Variants in VPS54 observed in about 807,000 individuals in gnomAD.
The protein encoded by VPS54 is vacuolar protein sorting-associated protein 54.
A neutral mutation model predicts 121.5 loss-of-function variants in VPS54; 45 were observed. The observed-to-expected ratio is 0.37, with a 90% confidence interval of 0.29 to 0.47. The LOEUF is 0.47. Ranked by LOEUF, VPS54 falls within the 20% of genes least tolerant of loss-of-function variation. VPS54 has a pLI of 0.99. For missense variants in VPS54, 1,090 were observed against 1,131.4 expected, an observed-to-expected ratio of 0.96 and a Z score of 0.52; for synonymous variants, 371 against 385.8, an observed-to-expected ratio of 0.96 and a Z score of 0.45.
chr2:64,012,975 A>C (rs548982665), intron 1 of VPS54, among the ~76,000 whole-genome samples: 25 of 152,360 alleles, frequency 1.6e-4, no homozygotes, highest in Non-Finnish European at 3.2e-4. Flanking sequence ...GAAGGAATGC[A>C]AAAAGAAAAG....
chr2:64,006,089 A>C (rs1422954487), intron 1 of VPS54, among the ~76,000 whole-genome samples: 1 of 152,230 alleles, frequency 6.6e-6, no homozygotes, highest in African/African-American at 2.4e-5. Flanking sequence ...CTTGTTTCCT[A>C]TCTCTCCCAC....
rs563225797 is a variant in VPS54, at chr2:63,983,432, G to A, written c.136+432C>T. On this transcript the variant is annotated intron_variant, in intron 2 of 22. Transcript: ENST00000272322. ...GATTACAGGCGTGAGCCACCACGCC[G>A]GGCCCCAAATGATTTTTTTTTTTTT... is the stretch of plus-strand genomic sequence containing the variant. 2.0e-4 allele frequency among the ~76,000 whole-genome samples: 27 copies of A among 134,924 alleles called. No individual in the cohort carries two copies. The South Asian group carries it at 3.0e-3, about 15-fold the overall frequency. The allele number at this position is 134,924 out of a possible 152,430, so 88.5% of individuals were successfully genotyped here. A position where few individuals can be genotyped will look rare whatever the true frequency, so the allele number is the denominator to read the frequency against.
chr2:64,001,790 G>A (rs368865777), intron 1 of VPS54, among the ~76,000 whole-genome samples: 17 of 151,938 alleles, frequency 1.1e-4, no homozygotes, highest in African/African-American at 4.1e-4. Flanking sequence ...AGAAGGTAGG[G>A]ATATCTTTTA....
intron 1 of VPS54, among the ~76,000 whole-genome samples, chr2:64,013,552 TATATA>T (rs1678529096): frequency 6.8e-6 from 1 of 147,824 alleles, no homozygotes; most frequent in African/African-American, 2.5e-5. Context: ...TGCTGATATA[TATATA>T]TGATATATAT....
At chr2:63,906,260 G>A (rs1041813230) in intron 20 of VPS54, among the ~76,000 whole-genome samples, 64 of 152,180 alleles carry the variant, frequency 4.2e-4, no homozygotes, top group African/African-American at 1.5e-3. Context: ...ACATGAGTGT[G>A]TATGCAGAAA....
At chr2:63,910,914 T>C (rs1447444273) in intron 20 of VPS54, among the ~76,000 whole-genome samples, 1 of 152,156 alleles carries the variant, frequency 6.6e-6, no homozygotes, top group Non-Finnish European at 1.5e-5. Flanking sequence ...ACTATTTTTG[T>C]TTGTTTGTTT....
At chr2:63,908,469 C>T (rs1657203448) in intron 20 of VPS54, among the ~76,000 whole-genome samples, 1 of 152,120 alleles carries the variant, frequency 6.6e-6, no homozygotes, top group African/African-American at 2.4e-5. Flanking sequence ...TGTTCTATAA[C>T]TTGCAGTTAT....
At chr2:63,904,748 A>G (rs1672836503) in intron 20 of VPS54, among the ~76,000 whole-genome samples, 1 of 152,168 alleles carries the variant, frequency 6.6e-6, no homozygotes, top group Admixed American at 6.5e-5. Context: ...CAAAATACAC[A>G]TTGTTTTCAT....
intron 1 of VPS54, among the ~76,000 whole-genome samples, chr2:63,997,616 GTTTTGTT>G (rs1377911093): frequency 7.2e-6 from 1 of 137,958 alleles, no homozygotes. Flanking sequence ...GTCAGTTTTT[GTTTTGTT>G]TTGTTTTGTT....
In VPS54 at chr2:63,893,361, G is replaced by T. The variant is rs1042329484; in HGVS notation, c.*69C>A. 5.3e-6 allele frequency: 7 copies of T among 1,319,894 alleles called. No homozygotes were observed. The highest frequency in any genetic ancestry group is 7.7e-6 in the Non-Finnish European group (7 of 912,128). 81.8% of individuals were successfully genotyped at this position (1,319,894 alleles called of 1,614,324 possible). A position where few individuals can be genotyped will look rare whatever the true frequency, so the allele number is the denominator to read the frequency against. On this transcript the variant is annotated 3_prime_UTR_variant, in exon 23 of 23. Transcript: ENST00000272322. ...TTCAGGTTCAATTCTCGAATCACAG[G>T]CATCCAGATTTTCTTCATAACAAAC...
At chr2:63,973,673 T>G (rs558718364) in intron 3 of VPS54, among the ~76,000 whole-genome samples, 17 of 152,220 alleles carry the variant, frequency 1.1e-4, no homozygotes, top group African/African-American at 4.1e-4. Flanking sequence ...CCAGAGCAGC[T>G]AGGACTACAG....
At chr2:63,990,210 C>A (rs1345206867) in intron 1 of VPS54, among the ~76,000 whole-genome samples, 1 of 152,170 alleles carries the variant, frequency 6.6e-6, no homozygotes, top group Admixed American at 6.5e-5. Flanking sequence ...AGCTACTCCT[C>A]CCCCACCTAA....
chr2:63,921,366 G>T, intron 12 of VPS54, 31 bp from the exon 13 acceptor site: 1 of 1,606,922 alleles, frequency 6.2e-7, no homozygotes, highest in Non-Finnish European at 8.5e-7. Context: ...TTTAGTCAGG[G>T]AAAGTTGTAA....
At chr2:63,918,309 A>G (rs1350959094) in intron 15 of VPS54, among the ~76,000 whole-genome samples, 1 of 152,054 alleles carries the variant, frequency 6.6e-6, no homozygotes, top group Non-Finnish European at 1.5e-5. Flanking sequence ...TAATTCAGAA[A>G]TCATTCTGTT....
intron 1 of VPS54, among the ~76,000 whole-genome samples, chr2:63,998,278 T>C (rs1677700231): frequency 6.6e-6 from 1 of 152,154 alleles, no homozygotes; most frequent in Non-Finnish European, 1.5e-5. Context: ...TTTCCATCCC[T>C]TTTTTTGTCT....
At chr2:63,949,016 T>C (rs1675117687) in intron 8 of VPS54, 21 bp downstream of exon 8, 1 of 1,606,748 alleles carries the variant, frequency 6.2e-7, no homozygotes, top group African/African-American at 1.3e-5. Flanking sequence ...ATCAACTTCA[T>C]TCCACAGTTA....
At chr2:63,982,781 C>T (rs1414861375) in intron 2 of VPS54, among the ~76,000 whole-genome samples, 4 of 152,140 alleles carry the variant, frequency 2.6e-5, no homozygotes, top group African/African-American at 9.7e-5. Context: ...ACATGTGGCA[C>T]CAAGTAAAAA....
At chr2:63,946,150 T>C (rs1229093465) in intron 9 of VPS54, among the ~76,000 whole-genome samples, 1 of 152,174 alleles carries the variant, frequency 6.6e-6, no homozygotes, top group African/African-American at 2.4e-5. Flanking sequence ...AATGTATACT[T>C]TTCTGTGTCT....
chr2:63,967,211 A>T (rs1476088422), intron 5 of VPS54, among the ~76,000 whole-genome samples: 1 of 152,156 alleles, frequency 6.6e-6, no homozygotes, highest in African/African-American at 2.4e-5. Flanking sequence ...ACCTATATAC[A>T]AAAATTAGAA....
Sources: gnomAD v4.1 joint callset for allele counts (sites outside exome capture counted in the v4.1 genomes callset) on GRCh38, gnomAD v4.1.1 for gene constraint, MANE v1.5 for transcripts, NCBI Gene and HGNC (gene_info 2026-07-23, HGNC 2026-07-21) for gene names.